PKD1L1: variants seen among roughly 807,000 people sequenced by gnomAD.
The protein encoded by PKD1L1 is polycystin-1-like protein 1.
In PKD1L1, 236 loss-of-function variants were observed where a neutral mutation model predicts 323.4. That is an observed-to-expected ratio of 0.73 (90% confidence interval 0.66 to 0.81). The LOEUF (loss-of-function observed/expected upper bound fraction) is 0.81, where lower values mean the gene tolerates loss of function less well. Among genes scored for constraint, PKD1L1 ranks in the 40% least tolerant of loss-of-function variants. The probability of loss-of-function intolerance (pLI) is 0.00; values close to 1 mark genes in which losing one functional copy is unlikely to be tolerated. For missense variants in PKD1L1, 3,320 were observed against 3,508.0 expected (o/e 0.95, Z 1.35); for synonymous variants, 1,344 against 1,335.0 (o/e 1.01, Z -0.15).
At chr7:47,919,503 C>T (rs67565252) in intron 7 of PKD1L1, among the ~76,000 whole-genome samples, 65,092 of 151,862 alleles carry the variant, frequency 0.43, 15,266 homozygotes, top group Non-Finnish European at 0.51. Context: ...AAAGAGGAAA[C>T]CCTCCCTAAA....
At chr7:47,874,945 T>C (rs1368285562) in intron 23 of PKD1L1, among the ~76,000 whole-genome samples, 1 of 152,224 alleles carries the variant, frequency 6.6e-6, no homozygotes, top group Non-Finnish European at 1.5e-5. Context: ...TGTGAATGAT[T>C]TGAGTAACAT....
the PKD1L1 span, among the ~76,000 whole-genome samples, chr7:47,959,020 C>T: frequency 9.9e-5 from 15 of 152,262 alleles, no homozygotes; most frequent in South Asian, 2.1e-4. Context: ...GACGGGGTTT[C>T]GCTGTGTTGG....
intron 26 of PKD1L1, among the ~76,000 whole-genome samples, chr7:47,863,516 G>A (rs1403874877): frequency 2.6e-5 from 4 of 152,134 alleles, no homozygotes; most frequent in African/African-American, 9.6e-5. Context: ...AGCCAACAGG[G>A]GTCAGTCAAC....
chr7:47,784,223 G>A (rs1401103893), intron 56 of PKD1L1, among the ~76,000 whole-genome samples: 2 of 152,208 alleles, frequency 1.3e-5, no homozygotes, highest in African/African-American at 4.8e-5. Context: ...ATTCATTTCA[G>A]AAGGCTGTCT....
At chr7:47,883,486 A>G (rs1353614144) in intron 19 of PKD1L1, among the ~76,000 whole-genome samples, 1 of 152,214 alleles carries the variant, frequency 6.6e-6, no homozygotes, top group Non-Finnish European at 1.5e-5. Context: ...CCTTGGCTTA[A>G]GGGCTCCCCT....
chr7:47,953,680 A>T, the PKD1L1 span, among the ~76,000 whole-genome samples: 1 of 152,260 alleles, frequency 6.6e-6, no homozygotes, highest in East Asian at 1.9e-4. Flanking sequence ...ATGCTCCAAA[A>T]ACTGGTAAAG....
Position 47,824,036 on chromosome 7 carries a change from G to C in PKD1L1, c.6855-2850C>G, listed in dbSNP as rs145764388. Among the ~76,000 whole-genome samples the C allele has an allele frequency of 1.8e-4, 27 of 152,270 alleles. 1 individual carries two copies. The East Asian group carries it at 5.2e-3, about 29-fold the overall frequency. ...CTTCAAACTGGCTTCTTGGTCCTCTGACAATGACTCTAGCAGTTATTAATT... is the reference window on the plus strand; with the variant it reads ...CTTCAAACTGGCTTCTTGGTCCTCTCACAATGACTCTAGCAGTTATTAATT... On this transcript the variant is annotated intron_variant, in intron 45 of 56. Coordinates refer to ENST00000289672, the MANE Select transcript of PKD1L1 (RefSeq NM_138295.5).
chr7:47,809,588 G>A lies in PKD1L1; in HGVS notation c.7582-11C>T. 2 of 1,551,856 alleles carry A rather than the reference G, an allele frequency of 1.3e-6. No homozygotes were observed. Among genetic ancestry groups the A allele is most frequent in the Non-Finnish European group, 1.7e-6 (2 of 1,144,470 alleles). On this transcript the variant is annotated splice_polypyrimidine_tract_variant and intron_variant, in intron 50 of 56. Transcript: ENST00000289672. ...TGCCAGGAAGACCAGCTGGTGGAGAGAATGTAAACAAACAAGATCAATAGG... is the reference window on the plus strand; with the variant it reads ...TGCCAGGAAGACCAGCTGGTGGAGAAAATGTAAACAAACAAGATCAATAGG...
At chr7:47,843,281 C>T in intron 33 of PKD1L1, 112 bp from the exon 34 acceptor site, 1 of 803,792 alleles carries the variant, frequency 1.2e-6, no homozygotes, top group Non-Finnish European at 1.9e-6. Context: ...CTGGGCTTCA[C>T]TGATACATTT....
chr7:47,853,112 GC>G lies in PKD1L1; in HGVS notation c.4960+14del. 2 of 1,552,968 alleles carry G rather than the reference GC, an allele frequency of 1.3e-6. No homozygotes were observed. Among genetic ancestry groups the G allele is most frequent in the Non-Finnish European group, 1.8e-6 (2 of 1,124,678 alleles). On this transcript the variant is annotated intron_variant, in intron 31 of 56. Transcript: ENST00000289672. Reference sequence around the variant, plus strand: ...TGTAAACAGAAAGGGAAAATAAGGCGCCCTGTTCACTGACCTTTCTGAGAAG... The same window carrying G: ...TGTAAACAGAAAGGGAAAATAAGGCGCCTGTTCACTGACCTTTCTGAGAAG...
intron 56 of PKD1L1, among the ~76,000 whole-genome samples, chr7:47,791,388 C>T (rs986942320): frequency 2.0e-5 from 3 of 151,730 alleles, no homozygotes; most frequent in African/African-American, 7.2e-5. Context: ...TTCCTCAACT[C>T]TGTTAATTCA....
intron 39 of PKD1L1, among the ~76,000 whole-genome samples, chr7:47,834,692 T>C (rs998804759): frequency 6.6e-6 from 1 of 152,134 alleles, no homozygotes; most frequent in African/African-American, 2.4e-5. Flanking sequence ...GGATTCACTA[T>C]CCATCTGACA....
chr7:47,803,815 C>G (rs561188519), intron 52 of PKD1L1, among the ~76,000 whole-genome samples: 1 of 152,286 alleles, frequency 6.6e-6, no homozygotes, highest in Admixed American at 6.5e-5. Context: ...GTAATCCTTG[C>G]AAATACGGGA....
chr7:47,827,467 A>C lies in PKD1L1; in HGVS notation c.6737T>G (p.Val2246Gly). 1 of 1,606,462 alleles carries C rather than the reference A, an allele frequency of 6.2e-7. No homozygotes were observed. The highest frequency in any genetic ancestry group is 8.5e-7 in the Non-Finnish European group (1 of 1,178,032). ...GCGAGCTTGTTGTCGGGCAGCCAAG[A>C]CCTGTCAGGGACAAGAGTGCTGTGA... ...IPDCAGEVEK[V>G]LAARQQARHL... Residue 2246 changes from valine (V) to glycine (G), a missense_variant and splice_region_variant, in exon 45 of 57, where the codon GTC (valine) becomes GGC (glycine). Transcript: ENST00000289672.
chr7:47,857,832 C>G lies in PKD1L1; in HGVS notation c.4363G>C (p.Gly1455Arg). The G allele has an allele frequency of 1.2e-6, 2 of 1,613,688 alleles. No individual in the cohort carries two copies. The highest frequency in any genetic ancestry group is 2.2e-5 in the East Asian group (1 of 44,876). Residue 1455 changes from glycine (G) to arginine (R), a missense_variant and splice_region_variant, in exon 28 of 57, where the codon GGT (glycine) becomes CGT (arginine). Coordinates refer to ENST00000289672, the MANE Select transcript of PKD1L1 (RefSeq NM_138295.5). ...CTAACATGGTTCAAAGAGAGACAACCCTGAAACATAGAGCATAGGGAGTGG... is the reference window on the plus strand; with the variant it reads ...CTAACATGGTTCAAAGAGAGACAACGCTGAAACATAGAGCATAGGGAGTGG... ...GITVISDLLL[G>R]CLSLNHVSTG...
intron 22 of PKD1L1, among the ~76,000 whole-genome samples, chr7:47,876,594 T>G (rs1786408078): frequency 6.6e-6 from 1 of 151,290 alleles, no homozygotes; most frequent in South Asian, 2.1e-4. Flanking sequence ...GAGGGAGGGG[T>G]CGGGGTGCCT....
chr7:47,891,692 C>G (rs1036398826), intron 15 of PKD1L1, among the ~76,000 whole-genome samples: 1 of 152,226 alleles, frequency 6.6e-6, no homozygotes, highest in Non-Finnish European at 1.5e-5. Context: ...GAGCAACTGC[C>G]CCTGGGGTTT....
chr7:47,912,533 C>T (rs533732339), intron 8 of PKD1L1, among the ~76,000 whole-genome samples: 1 of 152,048 alleles, frequency 6.6e-6, no homozygotes, highest in African/African-American at 2.4e-5. Flanking sequence ...AAATAACTAC[C>T]GGCTGGGCAC....
chr7:47,923,966 T>G lies in PKD1L1; in HGVS notation c.1060+5238A>C, dbSNP rs183743227. 1.4e-3 allele frequency among the ~76,000 whole-genome samples: 206 copies of G among 152,016 alleles called. 1 individual carries two copies. Among genetic ancestry groups the G allele is most frequent in the Non-Finnish European group, 2.5e-3 (171 of 67,970 alleles). ...AACTCTTTTTTTTTTAAGTCTTCAT[T>G]AAGAGAGGAAAAGATGAAAACTGCC... On this transcript the variant is annotated intron_variant, in intron 7 of 56. Transcript: ENST00000289672.
Sources: allele counts gnomAD v4.1 joint callset (sites outside exome capture counted in the v4.1 genomes callset), GRCh38; gene constraint gnomAD v4.1.1; transcripts MANE v1.5; gene names NCBI Gene and HGNC (gene_info 2026-07-23, HGNC 2026-07-21).